The following FUT8 variants were observed in gnomAD, a reference collection of about 807,000 sequenced individuals.
FUT8 encodes the protein alpha-(1,6)-fucosyltransferase.
Under a neutral mutation model 71.3 loss-of-function variants are expected in FUT8, and 29 were observed. The ratio of observed to expected loss-of-function variants is 0.41; its 90% confidence interval spans 0.30 to 0.55. The LOEUF is 0.55. FUT8 is among the 20% of genes least tolerant of loss of function. The pLI is 0.34. For synonymous variants in FUT8, 254 were observed against 239.3 expected (o/e 1.06, Z -0.57); for missense variants, 544 against 702.1 (o/e 0.77, Z 2.55).
At chr14:65,677,150 G>GCGCGCGCGCGCGCA (rs1566890387) in intron 7 of FUT8, among the ~76,000 whole-genome samples, 3 of 118,182 alleles carry the variant, frequency 2.5e-5, no homozygotes, top group Non-Finnish European at 5.5e-5. Context: ...GTGTGTGTGT[G>GCGCGCGCGCGCGCA]TGCGCGCGCG....
chr14:65,695,447 AT>A (rs1377836594), intron 7 of FUT8, among the ~76,000 whole-genome samples: 4 of 151,852 alleles, frequency 2.6e-5, no homozygotes, highest in African/African-American at 4.8e-5. Context: ...TTTTTTGTTC[AT>A]TTTTTTAAAA....
intron 2 of FUT8, among the ~76,000 whole-genome samples, chr14:65,471,504 A>G (rs113129982): frequency 6.6e-6 from 1 of 152,086 alleles, no homozygotes; most frequent in African/African-American, 2.4e-5. Flanking sequence ...TCAGGAAAGT[A>G]TGGGGACCCC....
At position 65,412,824 on chromosome 14, in the gene FUT8, C is replaced by G. The variant is rs1188725036; in HGVS notation, c.-716C>G. 1.2e-5 allele frequency: 2 copies of G among 167,162 alleles called. No individual in the cohort carries two copies. The highest frequency in any genetic ancestry group is 2.4e-5 in the African/African-American group (1 of 41,534). The allele number at this position is 167,162 out of a possible 1,614,324, so 10.4% of individuals were successfully genotyped here. ...CGTGCGCGCGTTATCTCCGGCCGAC[C>G]CGAGCAGCCGGTTCCCTCCTCTCCA... is the stretch of plus-strand genomic sequence containing the variant. On this transcript the variant is annotated 5_prime_UTR_variant, in exon 1 of 11. Coordinates refer to ENST00000673929, the MANE Select transcript of FUT8 (RefSeq NM_001371533.1).
chr14:65,507,649 T>C (rs1468005648), intron 2 of FUT8, among the ~76,000 whole-genome samples: 2 of 152,250 alleles, frequency 1.3e-5, no homozygotes, highest in East Asian at 3.9e-4. Flanking sequence ...CTTTTATGGC[T>C]GAATAGTACT....
chr14:65,699,272 G>A (rs986740334), intron 7 of FUT8, among the ~76,000 whole-genome samples: 4 of 151,590 alleles, frequency 2.6e-5, no homozygotes, highest in South Asian at 2.1e-4. Flanking sequence ...GCTGGGCTCT[G>A]CCAATCAAAT....
chr14:65,397,430 T>G, the FUT8 span, among the ~76,000 whole-genome samples: 37 of 152,316 alleles, frequency 2.4e-4, no homozygotes, highest in South Asian at 6.8e-3. This position sits in a 1 kb window ranked among gnomAD's most constrained non-coding sequence, Gnocchi z 4.2. Flanking sequence ...TTCATTATAA[T>G]GATGATGAGA....
At chr14:65,401,741 T>C in the FUT8 span, among the ~76,000 whole-genome samples, 2 of 151,714 alleles carry the variant, frequency 1.3e-5, no homozygotes, top group African/African-American at 4.8e-5. Flanking sequence ...CTACTAAAAA[T>C]ACAAAAAAAT....
chr14:65,508,491 GTTTTTTTTTTTTTTT>G (rs34809476), intron 2 of FUT8, among the ~76,000 whole-genome samples: 77 of 46,502 alleles, frequency 1.7e-3, no homozygotes, highest in African/African-American at 6.3e-3. Flanking sequence ...AGTTGTTTGA[GTTTTTTTTTTTTTTT>G]TTTTTTTTTT....
At chr14:65,440,184 T>C (rs996230223) in intron 1 of FUT8, among the ~76,000 whole-genome samples, 6 of 151,480 alleles carry the variant, frequency 4.0e-5, no homozygotes, top group Non-Finnish European at 8.8e-5. Flanking sequence ...AATATAATGG[T>C]GATTACCAGG....
At chr14:65,706,084 A>T (rs963654442) in intron 7 of FUT8, among the ~76,000 whole-genome samples, 10 of 152,250 alleles carry the variant, frequency 6.6e-5, no homozygotes, top group African/African-American at 2.4e-4. Context: ...AGCTTTCTAC[A>T]TGTAACATTT....
At chr14:65,639,607 A>G (rs1207319634) in intron 6 of FUT8, among the ~76,000 whole-genome samples, 2 of 151,752 alleles carry the variant, frequency 1.3e-5, no homozygotes, top group Admixed American at 1.3e-4. Flanking sequence ...GGATCTTTCT[A>G]CTATTTCCCA....
At chr14:65,482,827 G>C (rs1448475057) in intron 2 of FUT8, among the ~76,000 whole-genome samples, 2 of 152,138 alleles carry the variant, frequency 1.3e-5, no homozygotes, top group African/African-American at 4.8e-5. Context: ...AGTACAGAGT[G>C]CTGGAGAAAC....
intron 1 of FUT8, among the ~76,000 whole-genome samples, chr14:65,450,772 T>C (rs979071611): frequency 2.6e-5 from 4 of 152,134 alleles, no homozygotes; most frequent in African/African-American, 4.8e-5. Flanking sequence ...TAATCATTTT[T>C]TTCTATTACG....
intron 6 of FUT8, among the ~76,000 whole-genome samples, chr14:65,654,484 A>C (rs1006768685): frequency 6.6e-5 from 10 of 152,172 alleles, no homozygotes; most frequent in African/African-American, 2.4e-4. Flanking sequence ...GCTACTCGGG[A>C]GACTGATGCA....
chr14:65,441,908 C>A (rs2065664028), intron 1 of FUT8, among the ~76,000 whole-genome samples: 1 of 151,526 alleles, frequency 6.6e-6, no homozygotes, highest in Admixed American at 6.6e-5. Flanking sequence ...ATTAACTTGT[C>A]ATTTACATTA....
chr14:65,722,800 G>A lies in FUT8; in HGVS notation c.1082+779G>A, dbSNP rs1236661704. Among the ~76,000 whole-genome samples the A allele has an allele frequency of 3.3e-5, 5 of 152,280 alleles. 1 individual carries two copies. Among genetic ancestry groups the A allele is most frequent in the Admixed American group, 1.3e-4 (2 of 15,292 alleles). On this transcript the variant is annotated intron_variant, in intron 8 of 10. Coordinates refer to ENST00000673929, the MANE Select transcript of FUT8 (RefSeq NM_001371533.1). The stretch of plus-strand genomic sequence containing the variant: ...CTGGAATGCAAAGCAAAGAATAGCC[G>A]TGAAGATGGCAGAGTAACTCTGGTG...
chr14:65,634,084 C>T (rs1461030892), intron 6 of FUT8, among the ~76,000 whole-genome samples: 6 of 152,070 alleles, frequency 3.9e-5, no homozygotes, highest in East Asian at 1.9e-4. Flanking sequence ...TCATTGAGAA[C>T]GGGCCATGAT....
chr14:65,373,964 G>T, the FUT8 span, among the ~76,000 whole-genome samples: 2 of 152,222 alleles, frequency 1.3e-5, no homozygotes. Context: ...AACCGGAAGA[G>T]ATCTAACTTG....
Position 65,413,378 on chromosome 14 carries a change from GC to G in FUT8, c.-326+169del, listed in dbSNP as rs1658838287. Among the ~76,000 whole-genome samples the G allele has an allele frequency of 2.0e-5, 3 of 152,156 alleles. No individual in the cohort carries two copies. Among genetic ancestry groups the G allele is most frequent in the Admixed American group, 2.0e-4 (3 of 15,278 alleles). ...CGGCTCTCGGAAAAGTGGGGAGGGA[GC>G]CCCCGGGACGCTCTGGCGGATGCCT... is the stretch of plus-strand genomic sequence containing the variant. On this transcript the variant is annotated intron_variant, in intron 1 of 10. Coordinates refer to ENST00000673929, the MANE Select transcript of FUT8 (RefSeq NM_001371533.1). The surrounding 1 kb of genome is among the most constrained non-coding windows in gnomAD (Gnocchi z 4.1).
Sources: allele counts gnomAD v4.1 joint callset (sites outside exome capture counted in the v4.1 genomes callset), GRCh38; gene constraint gnomAD v4.1.1; non-coding constraint Gnocchi (gnomAD v3.1); transcripts MANE v1.5; gene names NCBI Gene and HGNC (gene_info 2026-07-23, HGNC 2026-07-21).